GLI3: variants seen among roughly 807,000 people sequenced by gnomAD.
The protein encoded by GLI3 is GLI family zinc finger 3.
Under a neutral mutation model 100.8 loss-of-function variants are expected in GLI3, and 20 were observed. That is an observed-to-expected ratio of 0.20 (90% CI 0.14 to 0.29). GLI3 has a LOEUF of 0.29. GLI3 is among the 10% of genes least tolerant of loss of function. GLI3 has a pLI of 1.00. For synonymous variants in GLI3, 938 were observed against 860.5 expected, an observed-to-expected ratio of 1.09 and a Z score of -1.58; for missense variants, 2,040 against 2,128.5, an observed-to-expected ratio of 0.96 and a Z score of 0.82.
chr7:42,153,784 C>T (rs150349182), intron 2 of GLI3, among the ~76,000 whole-genome samples: 2 of 152,184 alleles, frequency 1.3e-5, no homozygotes, highest in African/African-American at 4.8e-5. Context: ...CTAATCTGGA[C>T]CCCTCACAAG....
At chr7:42,135,603 C>CT (rs1259589788) in intron 3 of GLI3, among the ~76,000 whole-genome samples, 2 of 152,202 alleles carry the variant, frequency 1.3e-5, no homozygotes, top group Non-Finnish European at 2.9e-5. Flanking sequence ...TCAGAGCTCT[C>CT]TGTGTCAGTC....
chr7:42,227,256 C>A (rs1164416135), intron 1 of GLI3, among the ~76,000 whole-genome samples: 1 of 151,946 alleles, frequency 6.6e-6, no homozygotes, highest in East Asian at 1.9e-4. Flanking sequence ...CTGGCATGCC[C>A]CTTGACTTTT....
chr7:42,245,302 G>C (rs1788959904), intron 1 of GLI3, among the ~76,000 whole-genome samples: 1 of 152,188 alleles, frequency 6.6e-6, no homozygotes, highest in South Asian at 2.1e-4. Flanking sequence ...CAGAATCACA[G>C]TAAATTTTAC....
At chr7:42,123,461 T>C (rs1786050641) in intron 3 of GLI3, among the ~76,000 whole-genome samples, 1 of 152,218 alleles carries the variant, frequency 6.6e-6, no homozygotes, top group Non-Finnish European at 1.5e-5. Flanking sequence ...TACAAGGGTG[T>C]ATATATTTCT....
chr7:42,074,803 G>C lies in GLI3; in HGVS notation c.473+1949C>G, dbSNP rs1784847133. Among the ~76,000 whole-genome samples, 3 of 152,150 alleles carry C rather than the reference G, an allele frequency of 2.0e-5. No individual in the cohort carries two copies. In the South Asian group the frequency reaches 6.2e-4, roughly 32 times the overall value. ...AATCTTCCAGGACTTGTCTTTTGAGGCTCAGGATTATCTATCAGCTTTACA... is the reference window on the plus strand; with the variant it reads ...AATCTTCCAGGACTTGTCTTTTGAGCCTCAGGATTATCTATCAGCTTTACA... On this transcript the variant is annotated intron_variant, in intron 4 of 14. Coordinates refer to ENST00000395925, the MANE Select transcript of GLI3 (RefSeq NM_000168.6).
chr7:42,187,327 G>A (rs892975914), intron 2 of GLI3, among the ~76,000 whole-genome samples: 1 of 151,948 alleles, frequency 6.6e-6, no homozygotes, highest in African/African-American at 2.4e-5. Context: ...TTACAGTGAA[G>A]TTTGATATCT....
intron 3 of GLI3, among the ~76,000 whole-genome samples, chr7:42,087,322 G>C (rs1260767064): frequency 1.3e-5 from 2 of 152,128 alleles, no homozygotes; most frequent in African/African-American, 4.8e-5. Context: ...TGTTCAGAGT[G>C]AGCCCAGGGC....
At chr7:42,138,033 G>C (rs1562752024) in intron 3 of GLI3, among the ~76,000 whole-genome samples, 1 of 152,134 alleles carries the variant, frequency 6.6e-6, no homozygotes, top group Non-Finnish European at 1.5e-5. Flanking sequence ...GCTCTGCCTA[G>C]GTGTTTGTTG....
At chr7:42,217,938 C>T (rs1310030762) in intron 2 of GLI3, among the ~76,000 whole-genome samples, 1 of 152,184 alleles carries the variant, frequency 6.6e-6, no homozygotes, top group Non-Finnish European at 1.5e-5. Flanking sequence ...GATACGGCAG[C>T]CTGTGAAGTG....
chr7:42,043,011 C>G (rs957849735), intron 6 of GLI3, among the ~76,000 whole-genome samples: 4 of 152,096 alleles, frequency 2.6e-5, no homozygotes, highest in Non-Finnish European at 5.9e-5. Context: ...TAGACGTGCC[C>G]ACTATTTAAA....
At chr7:42,162,008 A>G (rs929662123) in intron 2 of GLI3, among the ~76,000 whole-genome samples, 26 of 152,152 alleles carry the variant, frequency 1.7e-4, no homozygotes, top group Non-Finnish European at 2.8e-4. Context: ...CCCAGCATGA[A>G]CCCTGACCTT....
intron 10 of GLI3, among the ~76,000 whole-genome samples, chr7:42,010,972 TACAGA>T (rs1554312544): frequency 6.6e-6 from 1 of 152,198 alleles, no homozygotes; most frequent in Non-Finnish European, 1.5e-5. Flanking sequence ...TGTTCATTCC[TACAGA>T]ACAGAACAGA....
At chr7:42,197,829 G>A (rs145610537) in intron 2 of GLI3, among the ~76,000 whole-genome samples, 92 of 152,280 alleles carry the variant, frequency 6.0e-4, no homozygotes, top group Admixed American at 1.6e-3. Flanking sequence ...TTCAGTCCAC[G>A]TTAACGCAAG....
chr7:42,074,260 C>T (rs1212612010), intron 4 of GLI3, among the ~76,000 whole-genome samples: 1 of 152,196 alleles, frequency 6.6e-6, no homozygotes. Flanking sequence ...ACGAAACCAA[C>T]ACATGCAAAG....
rs1347050404 is a variant in GLI3 at position 41,965,583 on chromosome 7, C to G, written c.3490G>C (p.Glu1164Gln). 3.1e-6 allele frequency: 5 copies of G among 1,605,606 alleles called. No homozygotes were observed. Among genetic ancestry groups the G allele is most frequent in the Non-Finnish European group, 4.3e-6 (5 of 1,173,384 alleles). The part of the protein sequence containing the change: ...SKTDLPIQWN[E>Q]VSSGSADLSS... ...AGGTCGGCGCTTCCGGAGCTGACTT[C>G]GTTCCACTGAATGGGCAGGTCGGTT... is the stretch of plus-strand genomic sequence containing the variant. Residue 1164 changes from glutamate (E) to glutamine (Q), a missense_variant, in exon 15 of 15, where the codon GAA (glutamate) becomes CAA (glutamine). This residue lies in a region of GLI3 where 1,041 missense variants were observed against 924.0 expected (regional missense o/e 1.13). Transcript: ENST00000395925.
intron 3 of GLI3, among the ~76,000 whole-genome samples, chr7:42,103,384 C>A (rs1489049091): frequency 1.3e-5 from 2 of 152,110 alleles, no homozygotes; most frequent in Admixed American, 6.6e-5. Flanking sequence ...TTAAACCCCC[C>A]ACAGTGCCAT....
chr7:42,178,356 T>C (rs759561151), intron 2 of GLI3, among the ~76,000 whole-genome samples: 1 of 152,148 alleles, frequency 6.6e-6, no homozygotes, highest in Non-Finnish European at 1.5e-5. Context: ...TCCATAGTCA[T>C]TGTAAAAGCT....
chr7:41,978,805 G>A (rs1289017301), intron 10 of GLI3, 57 bp from the exon 11 acceptor site: 12 of 1,522,014 alleles, frequency 7.9e-6, no homozygotes, highest in South Asian at 2.2e-5. Context: ...CATTTCTGAA[G>A]GCGACAGAAG....
chr7:42,061,757 T>C (rs888075154), intron 4 of GLI3, among the ~76,000 whole-genome samples: 5 of 152,210 alleles, frequency 3.3e-5, no homozygotes, highest in Admixed American at 1.3e-4. Flanking sequence ...GTATATGTAG[T>C]GTACTGTAGA....
Sources: gnomAD v4.1 joint callset for allele counts (sites outside exome capture counted in the v4.1 genomes callset) on GRCh38, gnomAD v4.1.1 for gene constraint, gnomAD v4.1.1 regional missense constraint, MANE v1.5 for transcripts, NCBI Gene and HGNC (gene_info 2026-07-23, HGNC 2026-07-21) for gene names.